E2F4: variants seen among roughly 807,000 people sequenced by gnomAD.
E2F4 encodes the protein E2F transcription factor 4.
Under a neutral mutation model 44.5 loss-of-function variants are expected in E2F4, and 16 were observed. That is an observed-to-expected ratio of 0.36 (90% CI 0.24 to 0.55). The LOEUF (loss-of-function observed/expected upper bound fraction) is 0.55, where lower values mean the gene tolerates loss of function less well. Among genes scored for constraint, E2F4 ranks in the 20% least tolerant of loss-of-function variants. The pLI is 0.87. For synonymous variants in E2F4, 242 were observed against 207.2 expected (o/e 1.17, Z -1.44); for missense variants, 473 against 522.1 (o/e 0.91, Z 0.92).
At chr16:67,195,729 T>G in intron 6 of E2F4, 53 bp from the exon 7 acceptor site, 1 of 1,607,522 alleles carries the variant, frequency 6.2e-7, no homozygotes, top group African/African-American at 1.3e-5. Context: ...ACAGCCAGTT[T>G]CAACGACCTC....
chr16:67,192,336 A>C lies in E2F4; in HGVS notation c.109A>C (p.Lys37Gln). The change falls in exon 1 of 10, where the codon AAG (lysine) becomes CAG (glutamine). Residue 37 changes from lysine (K) to glutamine (Q), a missense_variant. Lys to Gln is a moderately conservative substitution (Grantham distance 53). Transcript: ENST00000379378. The part of the protein sequence containing the change: ...TKFVSLLQEA[K>Q]DGVLDLKLAA... ...GTTCGTGTCCCTTCTGCAGGAGGCC[A>C]AGGACGGCGTGCTTGACCTCAAGCT... 7.0e-7 allele frequency: 1 copy of C among 1,426,050 alleles called. No homozygotes were observed. The highest frequency in any genetic ancestry group is 1.5e-5 in the African/African-American group (1 of 68,916). 88.3% of individuals were successfully genotyped at this position (1,426,050 alleles called of 1,614,324 possible). A position where few individuals can be genotyped will look rare whatever the true frequency, so the allele number is the denominator to read the frequency against.
chr16:67,194,219 C>A, intron 4 of E2F4, 179 bp from the exon 5 acceptor site: 1 of 624,464 alleles, frequency 1.6e-6, no homozygotes, highest in Non-Finnish European at 2.7e-6. Context: ...GGTTACTGAC[C>A]CTGGGCTCTC....
chr16:67,192,483 C>T, intron 1 of E2F4, 121 bp downstream of exon 1: 1 of 1,310,212 alleles, frequency 7.6e-7, no homozygotes, highest in Non-Finnish European at 1.0e-6. Context: ...TGTGCTTTCT[C>T]ACAGGAGAGA....
At position 67,193,457 on chromosome 16, in the gene E2F4, C is replaced by T; in HGVS notation, c.408-15C>T. The T allele has an allele frequency of 1.2e-6, 2 of 1,614,210 alleles. No individual in the cohort carries two copies. The highest frequency in any genetic ancestry group is 1.3e-5 in the African/African-American group (1 of 75,062). ...GTCACCATAGGGCATCAGCCATTCT[C>T]CTTAACCCTCACACTTTGGCCTACG... On this transcript the variant is annotated splice_polypyrimidine_tract_variant and intron_variant, in intron 3 of 9. Transcript: ENST00000379378.
At chr16:67,195,677 C>T (rs1344411670) in intron 6 of E2F4, 105 bp from the exon 7 acceptor site, 1 of 1,553,396 alleles carries the variant, frequency 6.4e-7, no homozygotes, top group Non-Finnish European at 8.7e-7. Flanking sequence ...CTCCTTGGGT[C>T]TGGGAACCAG....
At chr16:67,197,667 C>T (rs775619297) in intron 8 of E2F4, 21 bp downstream of exon 8, 8 of 1,613,802 alleles carry the variant, frequency 5.0e-6, no homozygotes, top group Non-Finnish European at 6.8e-6. Context: ...GCATTCCTCC[C>T]TGAGGCTAGG....
chr16:67,197,729 G>A, intron 8 of E2F4, 83 bp downstream of exon 8: 1 of 1,600,494 alleles, frequency 6.2e-7, no homozygotes. Flanking sequence ...GCCCTTTTGA[G>A]GACCTTGTTG....
In E2F4 at chr16:67,192,602, A is replaced by G. The variant is rs1221590230; in HGVS notation, c.136-159A>G. Reference sequence around the variant, plus strand: ...TGGCCCTTCCTGGCTGGCGAGGAGAAGAGCTGCCTATGGGACAGAGCTGCG... The same window carrying G: ...TGGCCCTTCCTGGCTGGCGAGGAGAGGAGCTGCCTATGGGACAGAGCTGCG... On this transcript the variant is annotated intron_variant, in intron 1 of 9. Transcript: ENST00000379378. The G allele has an allele frequency of 4.4e-6, 4 of 916,202 alleles. No individual in the cohort carries two copies. The Admixed American group carries it at 8.4e-5, about 19-fold the overall frequency. 56.8% of individuals were successfully genotyped at this position (916,202 alleles called of 1,614,324 possible). A position where few individuals can be genotyped will look rare whatever the true frequency, so the allele number is the denominator to read the frequency against.
At chr16:67,193,609 A>G in intron 4 of E2F4, 94 bp downstream of exon 4, 1 of 1,409,968 alleles carries the variant, frequency 7.1e-7, no homozygotes, top group Non-Finnish European at 1.0e-6. Flanking sequence ...TCTGTCTCTT[A>G]AGAGGGTTTC....
chr16:67,195,293 A>G (rs1055694647), intron 6 of E2F4, among the ~76,000 whole-genome samples: 1 of 152,104 alleles, frequency 6.6e-6, no homozygotes, highest in African/African-American at 2.4e-5. Flanking sequence ...CACCATGCGC[A>G]GCTAATTCTC....
chr16:67,193,006 CAG>C lies in E2F4; in HGVS notation c.246-2_246-1del. ...CCCTCTCAGCCCCACTCCCTGGGCT[CAG>C]GGGTGTGGGGCCTGGCTGCAATACC... On this transcript the variant is annotated splice_acceptor_variant, in intron 2 of 9. Transcript: ENST00000379378. LOFTEE classifies it high-confidence loss of function. 6.4e-7 allele frequency: 1 copy of C among 1,569,204 alleles called. No homozygotes were observed. Among genetic ancestry groups the C allele is most frequent in the Non-Finnish European group, 8.7e-7 (1 of 1,155,962 alleles).
At chr16:67,193,880 GTTAGT>G (rs1026369104) in intron 4 of E2F4, 7 of 313,034 alleles carry the variant, frequency 2.2e-5, no homozygotes, top group African/African-American at 1.5e-4. Context: ...CTTCCAACTT[GTTAGT>G]TTAGTTGCAT....
At chr16:67,194,210 G>T in intron 4 of E2F4, 188 bp from the exon 5 acceptor site, 1 of 598,716 alleles carries the variant, frequency 1.7e-6, no homozygotes, top group South Asian at 2.2e-5. Flanking sequence ...AGATTTCCTG[G>T]TTACTGACCC....
At chr16:67,193,269 A>C in intron 3 of E2F4, 99 bp downstream of exon 3, 2 of 1,523,072 alleles carry the variant, frequency 1.3e-6, no homozygotes, top group East Asian at 2.4e-5. Flanking sequence ...TCTTATAGCC[A>C]CTGGCCATGG....
chr16:67,195,620 A>G, intron 6 of E2F4, 162 bp from the exon 7 acceptor site: 2 of 1,431,676 alleles, frequency 1.4e-6, no homozygotes, highest in African/African-American at 1.4e-5. Flanking sequence ...TCCTGTGGTG[A>G]CTAATTTCAG....
rs1431233580 is a variant in E2F4 at position 67,193,025 on chromosome 16, T to C, written c.262T>C (p.Cys88Arg). The C allele has an allele frequency of 1.3e-6, 2 of 1,571,902 alleles. No individual in the cohort carries two copies. Among genetic ancestry groups the C allele is most frequent in the East Asian group, 2.3e-5 (1 of 42,836 alleles). Residue 88 changes from cysteine to arginine, a missense_variant, in exon 3 of 10, where the codon TGC (cysteine) becomes CGC (arginine). This residue lies in a region of E2F4 where 119 missense variants were observed against 175.6 expected (regional missense o/e 0.68). Coordinates refer to ENST00000379378, the MANE Select transcript of E2F4 (RefSeq NM_001950.4). The part of the protein sequence containing the change: ...SIQWKGVGPG[C>R]NTREIADKLI... ...TGGGCTCAGGGGTGTGGGGCCTGGCTGCAATACCCGGGAGATTGCTGACAA... is the reference window on the plus strand; with the variant it reads ...TGGGCTCAGGGGTGTGGGGCCTGGCCGCAATACCCGGGAGATTGCTGACAA...
chr16:67,192,220 CG>C lies in E2F4; in HGVS notation c.-5del. 1 of 1,078,330 alleles carries C rather than the reference CG, an allele frequency of 9.3e-7. No homozygotes were observed. The allele number at this position is 1,078,330 out of a possible 1,614,324, so 66.8% of individuals were successfully genotyped here. On this transcript the variant is annotated 5_prime_UTR_variant, in exon 1 of 10. Transcript: ENST00000379378. Reference sequence around the variant, plus strand: ...GGCCTGGCTGAGGGGAGGCGGCGGGCGGGCGCGATGGCGGAGGCCGGGCCAC... The same window carrying C: ...GGCCTGGCTGAGGGGAGGCGGCGGGCGGCGCGATGGCGGAGGCCGGGCCAC...
chr16:67,197,725 T>C lies in E2F4; in HGVS notation c.1081+79T>C, dbSNP rs564712141. 3.7e-6 allele frequency: 6 copies of C among 1,601,202 alleles called. No individual in the cohort carries two copies. In the South Asian group the frequency reaches 6.6e-5, roughly 18 times the overall value. ...GTCCTATGGCTGTTTTCTTGCCCTT[T>C]TGAGGACCTTGTTGTGGCGCTTATG... On this transcript the variant is annotated intron_variant, in intron 8 of 9. Coordinates refer to ENST00000379378, the MANE Select transcript of E2F4 (RefSeq NM_001950.4).
chr16:67,196,129 C>G, intron 7 of E2F4, 123 bp downstream of exon 7: 2 of 1,415,780 alleles, frequency 1.4e-6, no homozygotes, highest in Non-Finnish European at 2.0e-6. Context: ...CGAGAGCTCT[C>G]TGCCAGCACC....
Sources: allele counts gnomAD v4.1 joint callset (sites outside exome capture counted in the v4.1 genomes callset), GRCh38; gene constraint gnomAD v4.1.1; regional missense constraint gnomAD v4.1.1; transcripts MANE v1.5; gene names NCBI Gene and HGNC (gene_info 2026-07-23, HGNC 2026-07-21).